Variants in REN observed in about 807,000 individuals in gnomAD.
REN encodes the protein angiotensin-forming enzyme.
REN carries 42 observed loss-of-function variants against 48.6 expected under a neutral mutation model. The ratio of observed to expected loss-of-function variants is 0.86; its 90% CI spans 0.68 to 1.12. The LOEUF is 1.12. Among genes scored for constraint, REN ranks in the 50% most tolerant of loss-of-function variants. The pLI is 0.00. For missense variants in REN, 443 were observed against 527.3 expected, an observed-to-expected ratio of 0.84 and a Z score of 1.57; for synonymous variants, 196 against 204.6, an observed-to-expected ratio of 0.96 and a Z score of 0.36.
intron 1 of REN, among the ~76,000 whole-genome samples, 186 bp from the exon 2 acceptor site, chr1:204,162,349 A>G (rs1168603576): frequency 6.6e-6 from 1 of 152,178 alleles, no homozygotes; most frequent in Non-Finnish European, 1.5e-5. Context: ...TCAAGAGTCA[A>G]TTTAGAGGAG....
intron 5 of REN, 122 bp from the exon 6 acceptor site, chr1:204,157,491 A>G: frequency 7.1e-7 from 1 of 1,405,412 alleles, no homozygotes; most frequent in Non-Finnish European, 1.0e-6. Flanking sequence ...AGTCACCAAG[A>G]GGCGAAGTCA....
Position 204,160,629 on chromosome 1 carries a change from A to C in REN, c.423T>G (p.Asn141Lys). The C allele has an allele frequency of 6.2e-7, 1 of 1,614,158 alleles. No individual in the cohort carries two copies. The highest frequency in any genetic ancestry group is 1.1e-5 in the South Asian group (1 of 91,084). The change falls in exon 4 of 10, where the codon AAT (asparagine) becomes AAG (lysine). Residue 141 changes from asparagine (N) to lysine (K), a missense_variant. Physicochemically the swap from Asn to Lys is moderately conservative, Grantham distance 94. Coordinates refer to ENST00000272190, the MANE Select transcript of REN (RefSeq NM_000537.4). ...AATAGCGGAGGGTGAGTTCTGTTCC[A>C]TTGTGCTTGTAGCTGGAGGAATCCG... ...DASDSSSYKHNGTELTLRYST... is the reference protein window; with the variant it reads ...DASDSSSYKHKGTELTLRYST...
intron 1 of REN, among the ~76,000 whole-genome samples, chr1:204,162,446 G>A (rs749105905): frequency 9.2e-5 from 14 of 152,144 alleles, no homozygotes; most frequent in Admixed American, 7.9e-4. Context: ...TTATTGGTCC[G>A]TTCATTCATT....
rs1424220636 is a variant in REN at position 204,156,340 on chromosome 1, A to T, written c.819-21T>A. 13 of 1,522,408 alleles carry T rather than the reference A, an allele frequency of 8.5e-6. No homozygotes were observed. Among genetic ancestry groups the T allele is most frequent in the East Asian group, 2.4e-5 (1 of 41,956 alleles). 94.3% of individuals were successfully genotyped at this position (1,522,408 alleles called of 1,614,324 possible). A position where few individuals can be genotyped will look rare whatever the true frequency, so the allele number is the denominator to read the frequency against. The stretch of plus-strand genomic sequence containing the variant: ...ACACCCTGGGGGAGGCCACAGTCAG[A>T]CAGACAGACAGACAGACAGACAGAA... On this transcript the variant is annotated intron_variant, in intron 7 of 9. Coordinates refer to ENST00000272190, the MANE Select transcript of REN (RefSeq NM_000537.4). This position sits in a 1 kb window ranked among gnomAD's most constrained non-coding sequence, Gnocchi z 4.2.
chr1:204,157,666 G>T (rs1439492978), intron 5 of REN, among the ~76,000 whole-genome samples: 1 of 152,228 alleles, frequency 6.6e-6, no homozygotes, highest in African/African-American at 2.4e-5. Context: ...TGTGTGTGAT[G>T]TGTTTTTCCA....
rs772263931 is a variant in REN, at chr1:204,160,871, C to T, written c.374-193G>A. Among the ~76,000 whole-genome samples the T allele has an allele frequency of 9.2e-5, 14 of 152,046 alleles. No homozygotes were observed. The East Asian group carries it at 1.3e-3, about 15-fold the overall frequency. ...GGGCTCTCCTAATGTGCCCATACAT[C>T]GAGAATTTTGTCCTAAATGAAGGAA... On this transcript the variant is annotated intron_variant, in intron 3 of 9. Coordinates refer to ENST00000272190, the MANE Select transcript of REN (RefSeq NM_000537.4).
intron 1 of REN, among the ~76,000 whole-genome samples, chr1:204,164,718 G>A (rs1658314174): frequency 6.6e-6 from 1 of 151,620 alleles, no homozygotes; most frequent in Non-Finnish European, 1.5e-5. Flanking sequence ...CTACAGATTT[G>A]CACCACCACA....
chr1:204,160,858 T>A (rs1401346023), intron 3 of REN, among the ~76,000 whole-genome samples, 180 bp from the exon 4 acceptor site: 1 of 152,162 alleles, frequency 6.6e-6, no homozygotes, highest in Non-Finnish European at 1.5e-5. Context: ...GCTCTCCTAA[T>A]GTGCCCATAC....
At position 204,166,324 on chromosome 1, in the gene REN, T is replaced by C. The variant is rs369802332; in HGVS notation, c.-31A>G. On this transcript the variant is annotated 5_prime_UTR_variant, in exon 1 of 10. Coordinates refer to ENST00000272190, the MANE Select transcript of REN (RefSeq NM_000537.4). ...CCTCAGTCTGGGGCTCTCTCTGAGA[T>C]CCACTGAGGTTCTGTGGCTCCCTTA... 2 of 1,593,186 alleles carry C rather than the reference T, an allele frequency of 1.3e-6. No individual in the cohort carries two copies. Among genetic ancestry groups the C allele is most frequent in the African/African-American group, 2.7e-5 (2 of 74,450 alleles).
At position 204,156,790 on chromosome 1, in the gene REN, G is replaced by A. The variant is rs1441270447; in HGVS notation, c.705C>T (p.Ser235=). 6.2e-7 allele frequency: 1 copy of A among 1,613,976 alleles called. No individual in the cohort carries two copies. The highest frequency in any genetic ancestry group is 1.3e-5 in the African/African-American group (1 of 75,010). Residue 235 remains serine (S), a synonymous_variant, in exon 7 of 10, where the codon TCC becomes TCT. Transcript: ENST00000272190. This position sits in a 1 kb window ranked among gnomAD's most constrained non-coding sequence, Gnocchi z 4.2. The part of the protein sequence containing the change: ...SFYYNRDSEN[S]QSLGGQIVLG... Reference sequence around the variant, plus strand: ...GCACAATCTGTCCTCCCAGCGATTGGGAATTCCTAAAGGAAAGATCAGAAG... The same window carrying A: ...GCACAATCTGTCCTCCCAGCGATTGAGAATTCCTAAAGGAAAGATCAGAAG...
intron 3 of REN, 43 bp downstream of exon 3, chr1:204,161,249 G>A (rs1372085164): frequency 6.4e-7 from 1 of 1,561,314 alleles, no homozygotes. Context: ...TGCACAGTAG[G>A]GCAGGGGGAT....
At position 204,166,303 on chromosome 1, in the gene REN, A is replaced by G. The variant is rs761426326; in HGVS notation, c.-10T>C. The G allele has an allele frequency of 1.3e-5, 21 of 1,613,280 alleles. No individual in the cohort carries two copies. Among genetic ancestry groups the G allele is most frequent in the Non-Finnish European group, 1.6e-5 (19 of 1,179,300 alleles). On this transcript the variant is annotated 5_prime_UTR_variant, in exon 1 of 10. Transcript: ENST00000272190. ...TTCTCCATCCATCCATGCTTCCCTC[A>G]GTCTGGGGCTCTCTCTGAGATCCAC... is the stretch of plus-strand genomic sequence containing the variant.
intron 1 of REN, among the ~76,000 whole-genome samples, chr1:204,163,296 C>T (rs1558246032): frequency 6.6e-6 from 1 of 152,192 alleles, no homozygotes; most frequent in Non-Finnish European, 1.5e-5. Context: ...CCCCATTTTG[C>T]CCATGAACAT....
At position 204,159,612 on chromosome 1, in the gene REN, C is replaced by T; in HGVS notation, c.493-17G>A. The T allele has an allele frequency of 6.2e-7, 1 of 1,613,398 alleles. No individual in the cohort carries two copies. Among genetic ancestry groups the T allele is most frequent in the Non-Finnish European group, 8.5e-7 (1 of 1,179,396 alleles). ...TCCACCCACCTGTGGGAGGAAGGAC[C>T]AGAGGAGACCAAGCCCACTGCCCAC... On this transcript the variant is annotated splice_polypyrimidine_tract_variant and intron_variant, in intron 4 of 9. Coordinates refer to ENST00000272190, the MANE Select transcript of REN (RefSeq NM_000537.4).
At chr1:204,160,525 GTC>G (rs769240944) in intron 4 of REN, 33 bp downstream of exon 4, 6 of 1,419,748 alleles carry the variant, frequency 4.2e-6, no homozygotes, top group Non-Finnish European at 6.0e-6. Context: ...GACAGAAGGG[GTC>G]CGGGGCAGAT....
In REN at chr1:204,161,325, A is replaced by G; in HGVS notation, c.340T>C (p.Ser114Pro). The G allele has an allele frequency of 6.2e-7, 1 of 1,607,536 alleles. No homozygotes were observed. Among genetic ancestry groups the G allele is most frequent in the African/African-American group, 1.3e-5 (1 of 74,780 alleles). The change falls in exon 3 of 10, where the codon TCC becomes CCC. Residue 114 changes from serine (S) to proline (P), a missense_variant. Transcript: ENST00000272190. ...DTGSSNVWVP[S>P]SKCSRLYTAC... ...GTGTAGAGACGGCTGCACTTGGAGG[A>G]GGGCACCCAAACATTGGACGAACCA...
At chr1:204,155,637 C>T (rs899263538) in intron 9 of REN, among the ~76,000 whole-genome samples, 183 bp downstream of exon 9, 1 of 152,040 alleles carries the variant, frequency 6.6e-6, no homozygotes, top group African/African-American at 2.4e-5. Context: ...TCTAGAGGTT[C>T]TGATTTAATA....
Position 204,166,249 on chromosome 1 carries a change from C to T in REN, c.45G>A (p.Leu15=), listed in dbSNP as rs142739309. Residue 15 remains leucine (L), a synonymous_variant, in exon 1 of 10, where the codon CTG becomes CTA. Transcript: ENST00000272190. ...GACCAAAGGTACAGGAGCCCCAGAG[C>T]AGCAGCAGCAGTCCCCAGCGAGGCA... ...RRMPRWGLLL[L]LWGSCTFGLP... 76 of 1,612,774 alleles carry T rather than the reference C, an allele frequency of 4.7e-5. No homozygotes were observed. Among genetic ancestry groups the T allele is most frequent in the Admixed American group, 8.3e-5 (5 of 59,998 alleles).
At chr1:204,164,187 C>T (rs1015346392) in intron 1 of REN, among the ~76,000 whole-genome samples, 1 of 152,316 alleles carries the variant, frequency 6.6e-6, no homozygotes, top group Admixed American at 6.5e-5. Context: ...AGTGCAGCTG[C>T]TTTGAAGCAC....
Sources: allele counts gnomAD v4.1 joint callset (sites outside exome capture counted in the v4.1 genomes callset), GRCh38; gene constraint gnomAD v4.1.1; non-coding constraint Gnocchi (gnomAD v3.1); transcripts MANE v1.5; gene names NCBI Gene and HGNC (gene_info 2026-07-23, HGNC 2026-07-21).